Variants in UBE4B observed in about 807,000 individuals in gnomAD.
The protein encoded by UBE4B is ubiquitination factor E4B, also known as ubiquitin conjugation factor E4 B.
Under a neutral mutation model 148.1 loss-of-function variants are expected in UBE4B, and 27 were observed. The ratio of observed to expected loss-of-function variants is 0.18; its 90% CI spans 0.13 to 0.25. The LOEUF (loss-of-function observed/expected upper bound fraction) is 0.25, where lower values mean the gene tolerates loss of function less well. Among genes scored for constraint, UBE4B ranks in the 10% least tolerant of loss-of-function variants. UBE4B has a pLI of 1.00. For synonymous variants in UBE4B, 596 were observed against 619.3 expected (o/e 0.96, Z 0.56); for missense variants, 1,170 against 1,662.4 (o/e 0.70, Z 5.15).
chr1:10,096,493 AG>A (rs1314001930), intron 3 of UBE4B, among the ~76,000 whole-genome samples: 3 of 152,116 alleles, frequency 2.0e-5, no homozygotes, highest in Admixed American at 6.6e-5. Context: ...GCACTTTGGG[AG>A]GCCGAGGCAG....
At chr1:10,056,952 T>C (rs1644184171) in intron 1 of UBE4B, among the ~76,000 whole-genome samples, 1 of 151,812 alleles carries the variant, frequency 6.6e-6, no homozygotes, top group Non-Finnish European at 1.5e-5. Flanking sequence ...TAGCTGGGAC[T>C]ACAGGCATGT....
At position 10,106,276 on chromosome 1, in the gene UBE4B, T is replaced by A; in HGVS notation, c.889T>A (p.Ser297Thr). Residue 297 changes from serine (S) to threonine (T), a missense_variant, in exon 7 of 28, where the codon TCC becomes ACC. Physicochemically the swap from Ser to Thr is moderately conservative, Grantham distance 58 (BLOSUM62 1). This residue lies in a region of UBE4B where 214 missense variants were observed against 209.1 expected (regional missense o/e 1.02). Coordinates refer to ENST00000343090, the MANE Select transcript of UBE4B (RefSeq NM_001105562.3). This position sits in a 1 kb window ranked among gnomAD's most constrained non-coding sequence, Gnocchi z 4.2. ...GATGGGCCCGTCTCTTGCCTCACCT[T>A]CCCGTGCAGCCAGCCAGTTGGCTGT... ...PVMGPSLASP[S>T]RAASQLAVPS... 1.2e-6 allele frequency: 2 copies of A among 1,614,078 alleles called. No individual in the cohort carries two copies. The highest frequency in any genetic ancestry group is 2.2e-5 in the South Asian group (2 of 91,082).
chr1:10,106,217 C>T lies in UBE4B; in HGVS notation c.830C>T (p.Ala277Val), dbSNP rs773667051. The T allele has an allele frequency of 2.5e-6, 4 of 1,603,986 alleles. No individual in the cohort carries two copies. The highest frequency in any genetic ancestry group is 2.2e-5 in the East Asian group (1 of 44,612). ...TTTAGCCTCTATGAAAGTAGTCCGGCTCCCACTCCCAGTTTCTGGAGCTCT... is the reference window on the plus strand; with the variant it reads ...TTTAGCCTCTATGAAAGTAGTCCGGTTCCCACTCCCAGTTTCTGGAGCTCT... Reference protein sequence around the residue: ...SLSSLYESSPAPTPSFWSSVP... With the variant: ...SLSSLYESSPVPTPSFWSSVP... The change falls in exon 7 of 28, where the codon GCT becomes GTT. Residue 277 changes from alanine to valine, a missense_variant. By Grantham distance (64) the Ala-to-Val change is moderately conservative. This residue lies in a region of UBE4B where 214 missense variants were observed against 209.1 expected (regional missense o/e 1.02). Transcript: ENST00000343090. The surrounding 1 kb of genome is among the most constrained non-coding windows in gnomAD (Gnocchi z 4.2).
intron 7 of UBE4B, among the ~76,000 whole-genome samples, chr1:10,111,548 C>CGT (rs1345346195): frequency 6.6e-6 from 1 of 152,156 alleles, no homozygotes; most frequent in African/African-American, 2.4e-5. Context: ...CGCCTGGTTC[C>CGT]GTGCACTATT....
chr1:10,176,684 ATTTTC>A (rs763963027), intron 25 of UBE4B, among the ~76,000 whole-genome samples: 8 of 133,494 alleles, frequency 6.0e-5, no homozygotes, highest in Non-Finnish European at 1.3e-4. Context: ...CCATTTTTAT[ATTTTC>A]TTGGGAGCAA....
At chr1:10,173,398 C>T (rs9782997) in intron 25 of UBE4B, among the ~76,000 whole-genome samples, 15,489 of 150,848 alleles carry the variant, frequency 0.1, 1,659 homozygotes, top group African/African-American at 0.27. Context: ...AGGAGAATGG[C>T]GTGAACCCAG....
intron 2 of UBE4B, chr1:10,072,560 A>G (rs1356665380): frequency 1.4e-6 from 1 of 697,914 alleles, no homozygotes; most frequent in South Asian, 1.6e-5. Flanking sequence ...AAAATGCAAG[A>G]TTAAAATAAT....
intron 1 of UBE4B, among the ~76,000 whole-genome samples, chr1:10,066,445 A>G (rs1387023631): frequency 6.6e-6 from 1 of 151,802 alleles, no homozygotes; most frequent in Non-Finnish European, 1.5e-5. Flanking sequence ...TTTTTTTTTA[A>G]GGAAACTGAT....
At chr1:10,140,593 C>T (rs1211688552) in intron 17 of UBE4B, among the ~76,000 whole-genome samples, 1 of 152,052 alleles carries the variant, frequency 6.6e-6, no homozygotes, top group Admixed American at 6.6e-5. Flanking sequence ...GGATTACCTC[C>T]TGGGATACAG....
At chr1:10,144,366 A>G (rs972730092) in intron 17 of UBE4B, among the ~76,000 whole-genome samples, 7 of 152,216 alleles carry the variant, frequency 4.6e-5, no homozygotes, top group African/African-American at 1.4e-4. Context: ...TTCTTGCAAC[A>G]AAAAAGATGA....
At chr1:10,072,296 A>G in intron 2 of UBE4B, 82 bp downstream of exon 2, 1 of 1,489,648 alleles carries the variant, frequency 6.7e-7, no homozygotes, top group South Asian at 1.3e-5. Context: ...TGTTTCCAGA[A>G]CAGATTAAAA....
chr1:10,043,255 G>A (rs531015831), intron 1 of UBE4B, among the ~76,000 whole-genome samples: 7 of 151,438 alleles, frequency 4.6e-5, no homozygotes, highest in Admixed American at 4.0e-4. Flanking sequence ...GTGATCTGCC[G>A]GCCTCAGCCT....
chr1:10,179,370 CG>C (rs1235435529), intron 26 of UBE4B, 45 bp from the exon 27 acceptor site: 1 of 1,590,766 alleles, frequency 6.3e-7, no homozygotes, highest in East Asian at 2.3e-5. Flanking sequence ...CTTTTTCAGT[CG>C]TGGGCTCTCA....
At chr1:10,049,511 A>G (rs980781768) in intron 1 of UBE4B, among the ~76,000 whole-genome samples, 4 of 152,120 alleles carry the variant, frequency 2.6e-5, no homozygotes, top group Admixed American at 6.6e-5. Flanking sequence ...TTGGGAGGCC[A>G]AGGCAGGAGG....
chr1:10,104,260 A>G (rs1645070991), intron 5 of UBE4B, among the ~76,000 whole-genome samples: 1 of 152,214 alleles, frequency 6.6e-6, no homozygotes, highest in African/African-American at 2.4e-5. Context: ...TAAGAGGCCA[A>G]GCTTGTAACA....
At chr1:10,104,325 T>G (rs1645071540) in intron 5 of UBE4B, among the ~76,000 whole-genome samples, 1 of 152,196 alleles carries the variant, frequency 6.6e-6, no homozygotes, top group Admixed American at 6.5e-5. Flanking sequence ...TCCTTTTTCT[T>G]TACAGTAGTC....
intron 2 of UBE4B, among the ~76,000 whole-genome samples, chr1:10,082,856 T>A (rs1306063438): frequency 6.7e-6 from 1 of 149,322 alleles, no homozygotes; most frequent in Non-Finnish European, 1.5e-5. Context: ...CCCCTCCCTG[T>A]GTCCCTGTGT....
At chr1:10,046,198 G>A (rs1395585915) in intron 1 of UBE4B, among the ~76,000 whole-genome samples, 5 of 152,190 alleles carry the variant, frequency 3.3e-5, no homozygotes, top group Non-Finnish European at 7.3e-5. Context: ...CAAGTCACAT[G>A]GCCACAGCTA....
At chr1:10,126,935 T>G in intron 11 of UBE4B, 58 bp downstream of exon 11, 1 of 1,439,236 alleles carries the variant, frequency 6.9e-7, no homozygotes, top group Non-Finnish European at 9.7e-7. Context: ...TTCAGATTAT[T>G]TTGACATATA....
Sources: allele counts gnomAD v4.1 joint callset (sites outside exome capture counted in the v4.1 genomes callset), GRCh38; gene constraint gnomAD v4.1.1; regional missense constraint gnomAD v4.1.1; non-coding constraint Gnocchi (gnomAD v3.1); transcripts MANE v1.5; gene names NCBI Gene and HGNC (gene_info 2026-07-23, HGNC 2026-07-21).